Variants in DMD observed in about 807,000 individuals in gnomAD.
The protein encoded by DMD is mutant dystrophin.
In DMD, 63 loss-of-function variants were observed where a neutral mutation model predicts 330.1. That is an observed-to-expected ratio of 0.19 (90% CI 0.16 to 0.24). The LOEUF is 0.24. Among genes scored for constraint, DMD ranks in the 10% least tolerant of loss-of-function variants. The pLI, the probability that DMD is intolerant of heterozygous loss-of-function variation, is 1.00. For missense variants in DMD, 3,344 were observed against 2,684.1 expected (o/e 1.25, Z -5.43); for synonymous variants, 1,223 against 959.8 (o/e 1.27, Z -5.07).
Position 31,569,599 on chromosome X carries a change from C to CATATATGTATATACGTAT in DMD, c.8217+58056_8217+58073dup, listed in dbSNP as rs1569551960. ...TATATATATAAAATATATATATACA[C>CATATATGTATATACGTAT]ATATATGTATATACGTATATATACG... On this transcript the variant is annotated intron_variant, in intron 55 of 78. Transcript: ENST00000357033. 5.1e-5 allele frequency among the ~76,000 whole-genome samples: 4 copies of CATATATGTATATACGTAT among 79,123 alleles called. No individual in the cohort carries two copies. In the East Asian group the frequency reaches 1.1e-3, roughly 22 times the overall value. The allele number at this position is 79,123 out of a possible 115,157, so 68.7% of individuals were successfully genotyped here.
intron 19 of DMD, among the ~76,000 whole-genome samples, chrX:32,493,199 T>C (rs983582709): frequency 5.4e-5 from 6 of 111,721 alleles, no homozygotes; most frequent in African/African-American, 1.6e-4. Context: ...TCTGCCCTGA[T>C]AGTCTAATGT....
intron 2 of DMD, among the ~76,000 whole-genome samples, chrX:32,881,535 G>C (rs2083942496): frequency 8.9e-6 from 1 of 111,947 alleles, no homozygotes; most frequent in Non-Finnish European, 1.9e-5. Context: ...ACAACATCCA[G>C]ATATTCAATA....
At chrX:32,837,351 T>G (rs899406811) in intron 4 of DMD, among the ~76,000 whole-genome samples, 2 of 111,604 alleles carry the variant, frequency 1.8e-5, no homozygotes, top group East Asian at 2.8e-4. Flanking sequence ...CACTGGAGGA[T>G]TCTATGGAGA....
At chrX:31,474,732 T>A (rs771105207) in intron 59 of DMD, among the ~76,000 whole-genome samples, 2,594 of 98,499 alleles carry the variant, frequency 0.026, 102 homozygotes, top group East Asian at 0.098. Flanking sequence ...TAAAATAAAA[T>A]AAAATAAAAT....
intron 74 of DMD, among the ~76,000 whole-genome samples, chrX:31,158,545 T>C (rs886100060): frequency 9.0e-6 from 1 of 111,396 alleles, no homozygotes; most frequent in Non-Finnish European, 1.9e-5. Flanking sequence ...GCGCTGATGG[T>C]TGCACAACTC....
At chrX:32,562,152 G>T (rs981919704) in intron 16 of DMD, among the ~76,000 whole-genome samples, 1 of 111,588 alleles carries the variant, frequency 9.0e-6, no homozygotes, top group African/African-American at 3.3e-5. Flanking sequence ...TCAATCCAGG[G>T]TATATTTGCC....
At chrX:32,278,675 T>A (rs1189251957) in intron 43 of DMD, among the ~76,000 whole-genome samples, 3 of 111,770 alleles carry the variant, frequency 2.7e-5, no homozygotes, top group East Asian at 2.8e-4. Context: ...TCAAAATGGA[T>A]TAACGACTAA....
At chrX:31,423,314 C>G (rs971697808) in intron 60 of DMD, among the ~76,000 whole-genome samples, 3 of 111,077 alleles carry the variant, frequency 2.7e-5, no homozygotes, top group African/African-American at 9.8e-5. Flanking sequence ...AAGAAAAGAA[C>G]AAAATGCATC....
At chrX:31,638,719 T>C (rs1243339194) in intron 54 of DMD, among the ~76,000 whole-genome samples, 1 of 112,728 alleles carries the variant, frequency 8.9e-6, no homozygotes, top group Non-Finnish European at 1.9e-5. Context: ...ATATCTGTGT[T>C]GTTTTACTAA....
At chrX:32,367,908 CTG>C (rs2097859977) in intron 34 of DMD, among the ~76,000 whole-genome samples, 1 of 111,676 alleles carries the variant, frequency 9.0e-6, no homozygotes, top group Non-Finnish European at 1.9e-5. Context: ...AATTTACACT[CTG>C]TAAAAAAAGA....
At chrX:33,060,353 G>A (rs1438281748) in intron 1 of DMD, among the ~76,000 whole-genome samples, 3 of 111,229 alleles carry the variant, frequency 2.7e-5, no homozygotes, top group Non-Finnish European at 5.6e-5. Context: ...CCAAGGATGA[G>A]TGTTTTCTGG....
chrX:33,264,802 T>C (rs1269850001), intron 1 of DMD, among the ~76,000 whole-genome samples: 2 of 111,027 alleles, frequency 1.8e-5, no homozygotes, highest in East Asian at 5.6e-4. Flanking sequence ...GGTTACAATT[T>C]CTTTACAGTC....
intron 9 of DMD, among the ~76,000 whole-genome samples, chrX:32,673,336 A>G (rs775747357): frequency 2.8e-4 from 31 of 111,623 alleles, no homozygotes; most frequent in African/African-American, 9.4e-4. Flanking sequence ...TACCAACACT[A>G]TTAGGAGATT....
chrX:31,766,098 T>C (rs1390852284), intron 51 of DMD, among the ~76,000 whole-genome samples: 1 of 111,112 alleles, frequency 9.0e-6, no homozygotes, highest in African/African-American at 3.3e-5. Flanking sequence ...TAACATTATA[T>C]AACTTTCAGA....
intron 56 of DMD, among the ~76,000 whole-genome samples, chrX:31,498,163 T>C (rs1251821311): frequency 8.9e-6 from 1 of 111,969 alleles, no homozygotes; most frequent in East Asian, 2.8e-4. Flanking sequence ...AAGGAAATTA[T>C]ACTAACAAAG....
chrX:31,697,917 A>G (rs2083548947), intron 52 of DMD, among the ~76,000 whole-genome samples: 1 of 111,949 alleles, frequency 8.9e-6, no homozygotes, highest in African/African-American at 3.2e-5. Context: ...TTGATTTGCC[A>G]CGATCTCAGT....
At chrX:31,964,348 T>C (rs1295065518) in intron 45 of DMD, among the ~76,000 whole-genome samples, 2 of 111,327 alleles carry the variant, frequency 1.8e-5, no homozygotes, top group African/African-American at 6.5e-5. Flanking sequence ...CCAAATGTAA[T>C]GCATGAGCCA....
At chrX:31,554,129 CACT>C (rs958242928) in intron 55 of DMD, among the ~76,000 whole-genome samples, 11 of 112,014 alleles carry the variant, frequency 9.8e-5, no homozygotes, top group Non-Finnish European at 1.9e-4. Context: ...AACGAATTAC[CACT>C]GAAACAATAT....
intron 78 of DMD, among the ~76,000 whole-genome samples, chrX:31,122,315 G>GTGAT (rs200430753): frequency 0.018 from 2,006 of 111,418 alleles, 50 homozygotes; most frequent in East Asian, 0.14. Flanking sequence ...TTGGCTATGA[G>GTGAT]TGATTGATTG....
Sources: gnomAD v4.1 joint callset for allele counts (sites outside exome capture counted in the v4.1 genomes callset) on GRCh38, gnomAD v4.1.1 for gene constraint, MANE v1.5 for transcripts, NCBI Gene and HGNC (gene_info 2026-07-23, HGNC 2026-07-21) for gene names.